PAX2: variants seen among roughly 807,000 people sequenced by gnomAD.
The protein encoded by PAX2 is paired box protein Pax-2.
In PAX2, 9 loss-of-function variants were observed where a neutral mutation model predicts 41.7. That is an observed-to-expected ratio of 0.22 (90% CI 0.13 to 0.38). The LOEUF is 0.38. Ranked by LOEUF, PAX2 falls within the 10% of genes least tolerant of loss-of-function variation. The probability of loss-of-function intolerance (pLI) is 1.00; values close to 1 mark genes in which losing one functional copy is unlikely to be tolerated. For synonymous variants in PAX2, 221 were observed against 212.7 expected (o/e 1.04, Z -0.34); for missense variants, 418 against 531.6 (o/e 0.79, Z 2.10).
upstream of PAX2, among the ~76,000 whole-genome samples, chr10:100,744,816 CT>C: frequency 6.6e-6 from 1 of 152,238 alleles, no homozygotes; most frequent in African/African-American, 2.4e-5. Context: ...CAGCTCGATT[CT>C]GAACCAAGCG....
In PAX2 at chr10:100,749,813, G is replaced by A; in HGVS notation, c.111G>A (p.Val37=). The change falls in exon 2 of 10, where the codon GTG becomes GTA. Residue 37 remains valine, a synonymous_variant. Transcript: ENST00000355243. ...ACGGCCGGCCCCTACCCGACGTGGT[G>A]AGGCAGCGCATCGTGGAGCTGGCCC... ...FVNGRPLPDV[V]RQRIVELAHQ... 1 of 1,611,732 alleles carries A rather than the reference G, an allele frequency of 6.2e-7. No homozygotes were observed. Among genetic ancestry groups the A allele is most frequent in the Non-Finnish European group, 8.5e-7 (1 of 1,178,786 alleles).
At chr10:100,759,337 G>A (rs550435020) in intron 3 of PAX2, among the ~76,000 whole-genome samples, 1 of 152,334 alleles carries the variant, frequency 6.6e-6, no homozygotes, top group Non-Finnish European at 1.5e-5. Context: ...CCTGGCTGGA[G>A]CTATGCAGCC....
In PAX2 at chr10:100,748,452, T is replaced by G. The variant is rs1249982795; in HGVS notation, c.44-1294T>G. The G allele has an allele frequency of 1.8e-5, 18 of 981,874 alleles. No homozygotes were observed. Among genetic ancestry groups the G allele is most frequent in the Non-Finnish European group, 1.9e-5 (16 of 829,282 alleles). The allele number at this position is 981,874 out of a possible 1,614,324, so 60.8% of individuals were successfully genotyped here. ...CCCCGAGAAAGGGAGGGGAGAGAAA[T>G]GAGGGGGGCACAGATGTCCCCGCTT... On this transcript the variant is annotated intron_variant, in intron 1 of 9. Coordinates refer to ENST00000355243, the MANE Select transcript of PAX2 (RefSeq NM_000278.5). This position sits in a 1 kb window ranked among gnomAD's most constrained non-coding sequence, Gnocchi z 5.0.
Position 100,748,025 on chromosome 10 carries a change from T to A in PAX2, c.44-1721T>A. On this transcript the variant is annotated intron_variant, in intron 1 of 9. Coordinates refer to ENST00000355243, the MANE Select transcript of PAX2 (RefSeq NM_000278.5). This position sits in a 1 kb window ranked among gnomAD's most constrained non-coding sequence, Gnocchi z 5.0. ...GCCCGCGGGCCGGTGGACTGGTGGG[T>A]GAGACACCGCAGCCCGAGTCGGTGC... The A allele has an allele frequency of 2.0e-6, 2 of 983,568 alleles. No homozygotes were observed. Among genetic ancestry groups the A allele is most frequent in the Non-Finnish European group, 2.4e-6 (2 of 829,584 alleles). 60.9% of individuals were successfully genotyped at this position (983,568 alleles called of 1,614,324 possible). A position where few individuals can be genotyped will look rare whatever the true frequency, so the allele number is the denominator to read the frequency against.
chr10:100,793,893 C>A (rs1847229425), intron 5 of PAX2, among the ~76,000 whole-genome samples: 1 of 152,140 alleles, frequency 6.6e-6, no homozygotes, highest in Non-Finnish European at 1.5e-5. Context: ...GAGCTTAGAG[C>A]CTGCTGGGGA....
chr10:100,749,958 C>T (rs780227738), intron 2 of PAX2, 44 bp downstream of exon 2: 5 of 1,596,178 alleles, frequency 3.1e-6, no homozygotes, highest in South Asian at 1.1e-5. Context: ...TGCCTACTTC[C>T]CCGGCCAGCC....
At chr10:100,767,739 T>C (rs756120435) in intron 3 of PAX2, among the ~76,000 whole-genome samples, 77 of 152,272 alleles carry the variant, frequency 5.1e-4, no homozygotes, top group Middle Eastern at 3.4e-3. Flanking sequence ...CTGAATAAAG[T>C]CCCAGAATTT....
At chr10:100,771,671 C>G (rs952193261) in intron 3 of PAX2, among the ~76,000 whole-genome samples, 1 of 152,182 alleles carries the variant, frequency 6.6e-6, no homozygotes. Flanking sequence ...TGAAAAGTCT[C>G]CCGCTGTTAG....
intron 1 of PAX2, chr10:100,749,523 T>C (rs1845353032): frequency 7.4e-7 from 1 of 1,349,926 alleles, no homozygotes; most frequent in East Asian, 2.9e-5. Context: ...TCGCAAGGCC[T>C]GAGTCGCCCT....
At chr10:100,808,042 C>T (rs1219109855) in intron 6 of PAX2, among the ~76,000 whole-genome samples, 1 of 152,230 alleles carries the variant, frequency 6.6e-6, no homozygotes, top group Non-Finnish European at 1.5e-5. Context: ...GCCTGTATTA[C>T]AATGAATAAC....
chr10:100,753,754 A>G (rs563908366), intron 3 of PAX2, among the ~76,000 whole-genome samples: 104 of 152,344 alleles, frequency 6.8e-4, no homozygotes, highest in Non-Finnish European at 1.2e-3. Flanking sequence ...ATATGCTGTT[A>G]TGGTTATAAA....
intron 3 of PAX2, among the ~76,000 whole-genome samples, chr10:100,767,159 T>C (rs888512426): frequency 2.0e-5 from 3 of 152,056 alleles, no homozygotes; most frequent in African/African-American, 7.2e-5. Flanking sequence ...CAGGCTGAAA[T>C]CATGTGGCCA....
intron 1 of PAX2, among the ~76,000 whole-genome samples, chr10:100,738,970 T>A (rs1298723299): frequency 1.4e-5 from 2 of 147,160 alleles, no homozygotes; most frequent in Non-Finnish European, 3.0e-5. Context: ...GGGCCCTCCT[T>A]CCCCCTTTCC....
chr10:100,777,398 C>CTTT (rs56136871), intron 3 of PAX2, among the ~76,000 whole-genome samples: 1 of 121,938 alleles, frequency 8.2e-6, no homozygotes, highest in Admixed American at 8.8e-5. Flanking sequence ...CGCATCTGGC[C>CTTT]TTTTTTTTTT....
Position 100,827,277 on chromosome 10 carries a change from C to T in PAX2, c.1108+182C>T, listed in dbSNP as rs1467941478. On this transcript the variant is annotated intron_variant, in intron 9 of 9. Coordinates refer to ENST00000355243, the MANE Select transcript of PAX2 (RefSeq NM_000278.5). The surrounding 1 kb of genome is among the most constrained non-coding windows in gnomAD (Gnocchi z 8.5). Reference sequence around the variant, plus strand: ...CGCACCTCCTGCCCTCCCGTGCCCTCCCTGGTCGCTCGAAGGCTCTGCGCC... The same window carrying T: ...CGCACCTCCTGCCCTCCCGTGCCCTTCCTGGTCGCTCGAAGGCTCTGCGCC... Among the ~76,000 whole-genome samples the T allele has an allele frequency of 6.6e-6, 1 of 152,146 alleles. No individual in the cohort carries two copies. The highest frequency in any genetic ancestry group is 1.5e-5 in the Non-Finnish European group (1 of 68,018).
Position 100,829,860 on chromosome 10 carries a change from T to C in PAX2, c.*2241T>C, listed in dbSNP as rs1157086867. ...GGTCTCCTCGGCCACTTTCAGTGCG[T>C]CGGTTCGTTTTGATTCTTTTTCTTT... On this transcript the variant is annotated 3_prime_UTR_variant, in exon 10 of 10. Transcript: ENST00000355243. 5.3e-6 allele frequency: 1 copy of C among 188,722 alleles called. No homozygotes were observed. Among genetic ancestry groups the C allele is most frequent in the Non-Finnish European group, 1.1e-5 (1 of 89,478 alleles). The allele number at this position is 188,722 out of a possible 1,614,324, so 11.7% of individuals were successfully genotyped here.
rs1256805014 is a variant in PAX2 at position 100,791,227 on chromosome 10, C to T, written c.616+9862C>T. On this transcript the variant is annotated intron_variant, in intron 5 of 9. Coordinates refer to ENST00000355243, the MANE Select transcript of PAX2 (RefSeq NM_000278.5). This position sits in a 1 kb window ranked among gnomAD's most constrained non-coding sequence, Gnocchi z 4.5. ...CTACTGGAGACAAGTGTGTGGGCAT[C>T]TCCTGGGGGCCTTTCCAGGACTGGG... Among the ~76,000 whole-genome samples the T allele has an allele frequency of 6.6e-6, 1 of 152,228 alleles. No individual in the cohort carries two copies. The highest frequency in any genetic ancestry group is 1.5e-5 in the Non-Finnish European group (1 of 68,034).
chr10:100,773,599 T>C (rs191784414), intron 3 of PAX2, among the ~76,000 whole-genome samples: 1 of 152,324 alleles, frequency 6.6e-6, no homozygotes, highest in East Asian at 1.9e-4. Flanking sequence ...CATTATATCA[T>C]TCTATTGATT....
rs1318944367 is a variant in PAX2 at position 100,829,138 on chromosome 10, G to A, written c.*1519G>A. Reference sequence around the variant, plus strand: ...AAAAGAAATCTCTATGCAAAATGACGAACATGGTCCTGTGGACTCCTCTGG... The same window carrying A: ...AAAAGAAATCTCTATGCAAAATGACAAACATGGTCCTGTGGACTCCTCTGG... On this transcript the variant is annotated 3_prime_UTR_variant, in exon 10 of 10. Transcript: ENST00000355243. 1 of 231,390 alleles carries A rather than the reference G, an allele frequency of 4.3e-6. No homozygotes were observed. The highest frequency in any genetic ancestry group is 2.2e-5 in the African/African-American group (1 of 45,152). The allele number at this position is 231,390 out of a possible 1,614,324, so 14.3% of individuals were successfully genotyped here.
Sources: gnomAD v4.1 joint callset for allele counts (sites outside exome capture counted in the v4.1 genomes callset) on GRCh38, gnomAD v4.1.1 for gene constraint, Gnocchi (gnomAD v3.1) non-coding constraint, MANE v1.5 for transcripts, NCBI Gene and HGNC (gene_info 2026-07-23, HGNC 2026-07-21) for gene names.